The following RUNX2 variants were observed in gnomAD, a reference collection of about 807,000 sequenced individuals.
The protein encoded by RUNX2 is RUNX family transcription factor 2, also known as runt-related transcription factor 2.
Under a neutral mutation model 51.7 loss-of-function variants are expected in RUNX2, and 10 were observed. That is an observed-to-expected ratio of 0.19 (90% CI 0.12 to 0.33). RUNX2 has a LOEUF of 0.33. Among genes scored for constraint, RUNX2 ranks in the 10% least tolerant of loss-of-function variants. RUNX2 has a pLI of 1.00. For synonymous variants in RUNX2, 276 were observed against 273.6 expected, an observed-to-expected ratio of 1.01 and a Z score of -0.09; for missense variants, 562 against 691.3, an observed-to-expected ratio of 0.81 and a Z score of 2.10.
At chr6:45,417,641 T>C (rs1019572477) in intron 2 of RUNX2, among the ~76,000 whole-genome samples, 9 of 152,168 alleles carry the variant, frequency 5.9e-5, no homozygotes, top group Non-Finnish European at 1.0e-4. Flanking sequence ...GTTGGCAAAC[T>C]TTTCTGTAAA....
intron 3 of RUNX2, among the ~76,000 whole-genome samples, chr6:45,426,761 C>G (rs1798393605): frequency 6.6e-6 from 1 of 152,128 alleles, no homozygotes; most frequent in African/African-American, 2.4e-5. Context: ...CCTTTCAGTG[C>G]TTGTCAAAAG....
intron 2 of RUNX2, among the ~76,000 whole-genome samples, chr6:45,419,912 C>T (rs1166151139): frequency 6.6e-6 from 1 of 151,530 alleles, no homozygotes; most frequent in East Asian, 1.9e-4. Flanking sequence ...CAGGCGGCGG[C>T]TGTGGGGCGG....
intron 5 of RUNX2, among the ~76,000 whole-genome samples, chr6:45,474,342 A>G (rs879662064): frequency 2.2e-4 from 34 of 151,586 alleles, no homozygotes; most frequent in Non-Finnish European, 4.0e-4. Flanking sequence ...AAGATATTAA[A>G]CAATGGCCAC....
intron 7 of RUNX2, among the ~76,000 whole-genome samples, chr6:45,528,540 G>T (rs529027050): frequency 2.1e-4 from 32 of 152,198 alleles, no homozygotes; most frequent in Non-Finnish European, 3.4e-4. Context: ...AGAATTGTGT[G>T]AATCCAGGAG....
chr6:45,485,121 A>G (rs1800229499), intron 5 of RUNX2, among the ~76,000 whole-genome samples: 3 of 151,784 alleles, frequency 2.0e-5, no homozygotes, highest in Admixed American at 6.6e-5. Flanking sequence ...ATGGTGGATG[A>G]GGCTCATGGA....
chr6:45,547,617 C>A lies in RUNX2; in HGVS notation c.*312C>A. 1 of 390,250 alleles carries A rather than the reference C, an allele frequency of 2.6e-6. No individual in the cohort carries two copies. The highest frequency in any genetic ancestry group is 4.8e-6 in the Non-Finnish European group (1 of 207,254). The allele number at this position is 390,250 out of a possible 1,614,324, so 24.2% of individuals were successfully genotyped here. On this transcript the variant is annotated 3_prime_UTR_variant, in exon 9 of 9. Coordinates refer to ENST00000647337, the MANE Select transcript of RUNX2 (RefSeq NM_001024630.4). ...TTTTTGTTGTTTGGTCTGTTATCAT[C>A]AATAACCTGTTCATATGCCAATTCA...
chr6:45,511,371 G>A (rs1449312946), intron 6 of RUNX2, among the ~76,000 whole-genome samples: 1 of 152,166 alleles, frequency 6.6e-6, no homozygotes, highest in African/African-American at 2.4e-5. Flanking sequence ...CCAAATTCCA[G>A]ACATGTGACT....
chr6:45,404,275 G>A (rs2396501), intron 2 of RUNX2, among the ~76,000 whole-genome samples: 85,942 of 107,350 alleles, frequency 0.8, 33,850 homozygotes, highest in African/African-American at 0.91. Context: ...AAAAAAAAAA[G>A]AAAAAGAAAA....
chr6:45,455,311 A>G (rs1001871310), intron 5 of RUNX2, among the ~76,000 whole-genome samples: 4 of 152,134 alleles, frequency 2.6e-5, no homozygotes, highest in Non-Finnish European at 4.4e-5. Context: ...TTCTTTTTTA[A>G]GTTTTATTTC....
chr6:45,393,770 A>G (rs989404906), intron 2 of RUNX2, among the ~76,000 whole-genome samples: 5 of 152,162 alleles, frequency 3.3e-5, no homozygotes, highest in South Asian at 2.1e-4. Context: ...TAATTGGCTC[A>G]TAGTTCTGCA....
chr6:45,547,326 G>GATACCACTGGGCCAC lies in RUNX2; in HGVS notation c.*21_*22insATACCACTGGGCCAC. 1 of 1,576,868 alleles carries GATACCACTGGGCCAC rather than the reference G, an allele frequency of 6.3e-7. No homozygotes were observed. The highest frequency in any genetic ancestry group is 8.7e-7 in the Non-Finnish European group (1 of 1,146,598). On this transcript the variant is annotated 3_prime_UTR_variant, in exon 9 of 9. Coordinates refer to ENST00000647337, the MANE Select transcript of RUNX2 (RefSeq NM_001024630.4). The stretch of plus-strand genomic sequence containing the variant: ...ATTGAAATTCCTCAGCAGTGGCCCA[G>GATACCACTGGGCCAC]TGGTATCTGGGGGCCACATCCCACA...
chr6:45,505,088 T>A (rs1272470258), intron 6 of RUNX2, among the ~76,000 whole-genome samples: 1 of 152,182 alleles, frequency 6.6e-6, no homozygotes, highest in Non-Finnish European at 1.5e-5. Context: ...TCCCATTGAC[T>A]TGTTTCCTCC....
At chr6:45,527,516 G>A (rs562242147) in intron 7 of RUNX2, among the ~76,000 whole-genome samples, 13 of 152,150 alleles carry the variant, frequency 8.5e-5, no homozygotes, top group Admixed American at 2.6e-4. Context: ...AATTTTGCTG[G>A]TATCATCAAA....
chr6:45,508,863 TTTA>T (rs1024704132), intron 6 of RUNX2, among the ~76,000 whole-genome samples: 4 of 152,192 alleles, frequency 2.6e-5, no homozygotes, highest in African/African-American at 9.7e-5. Flanking sequence ...ATTTTAATAT[TTTA>T]TTATTCACTC....
At chr6:45,542,771 T>G (rs1445160198) in intron 7 of RUNX2, among the ~76,000 whole-genome samples, 1 of 152,244 alleles carries the variant, frequency 6.6e-6, no homozygotes, top group Non-Finnish European at 1.5e-5. Flanking sequence ...GATAGACCTG[T>G]GATCATGTTA....
At chr6:45,374,901 G>A (rs974801238) in intron 2 of RUNX2, among the ~76,000 whole-genome samples, 2 of 152,086 alleles carry the variant, frequency 1.3e-5, no homozygotes, top group Non-Finnish European at 1.5e-5. Flanking sequence ...CAGTAATTTT[G>A]TCACTGTTTT....
intron 7 of RUNX2, among the ~76,000 whole-genome samples, chr6:45,536,768 C>T (rs1027715692): frequency 6.6e-5 from 10 of 152,168 alleles, no homozygotes; most frequent in African/African-American, 1.9e-4. Flanking sequence ...AAGCAGAGTC[C>T]AACCAGAACT....
intron 5 of RUNX2, among the ~76,000 whole-genome samples, chr6:45,481,219 G>A (rs754212997): frequency 2.6e-5 from 4 of 152,296 alleles, no homozygotes; most frequent in East Asian, 1.9e-4. Context: ...CAGGAATTGC[G>A]TGACAGTCTG....
intron 7 of RUNX2, 111 bp downstream of exon 7, chr6:45,512,518 T>C: frequency 1.7e-6 from 2 of 1,179,280 alleles, no homozygotes; most frequent in Non-Finnish European, 2.5e-6. Context: ...TAGAGGCATG[T>C]GGGCAAGGGA....
Sources: allele counts gnomAD v4.1 joint callset (sites outside exome capture counted in the v4.1 genomes callset), GRCh38; gene constraint gnomAD v4.1.1; transcripts MANE v1.5; gene names NCBI Gene and HGNC (gene_info 2026-07-23, HGNC 2026-07-21).